Variants in HECW1 observed in about 807,000 individuals in gnomAD.
HECW1 encodes the protein E3 ubiquitin-protein ligase HECW1.
In HECW1, 61 loss-of-function variants were observed where a neutral mutation model predicts 182.3. That is an observed-to-expected ratio of 0.33 (90% CI 0.27 to 0.41). HECW1 has a LOEUF of 0.41. HECW1 is among the 10% of genes least tolerant of loss of function. The pLI is 1.00. For missense variants in HECW1, 1,739 were observed against 2,108.9 expected (o/e 0.82, Z 3.44); for synonymous variants, 859 against 832.6 (o/e 1.03, Z -0.55).
chr7:43,306,049 C>G (rs1019290604), intron 3 of HECW1, among the ~76,000 whole-genome samples: 2 of 152,242 alleles, frequency 1.3e-5, no homozygotes, highest in African/African-American at 2.4e-5. Context: ...TGTGAGCCAC[C>G]CTGCCCAGCC....
At chr7:43,360,794 G>T in intron 5 of HECW1, 92 bp from the exon 6 acceptor site, 1 of 914,028 alleles carries the variant, frequency 1.1e-6, no homozygotes. Context: ...GGGGAATTAT[G>T]TTGCAGTTCT....
intron 27 of HECW1, among the ~76,000 whole-genome samples, chr7:43,551,364 GC>G (rs1255217572): frequency 6.6e-6 from 1 of 152,182 alleles, no homozygotes; most frequent in Non-Finnish European, 1.5e-5. Context: ...TTTCCACCCA[GC>G]TAGCTCAGTC....
At chr7:43,412,933 T>C (rs896179090) in intron 8 of HECW1, among the ~76,000 whole-genome samples, 3 of 148,568 alleles carry the variant, frequency 2.0e-5, no homozygotes, top group Non-Finnish European at 4.5e-5. Flanking sequence ...TGTGTCTTTA[T>C]AGCAGCATGA....
intron 24 of HECW1, among the ~76,000 whole-genome samples, chr7:43,523,679 G>A (rs143695942): frequency 1.6e-4 from 25 of 152,226 alleles, no homozygotes; most frequent in African/African-American, 5.8e-4. Flanking sequence ...CCTTGAGATC[G>A]AGGGAAATAA....
At chr7:43,512,045 C>T (rs2079899289) in intron 24 of HECW1, 2 of 217,002 alleles carry the variant, frequency 9.2e-6, no homozygotes, top group East Asian at 1.4e-4. Context: ...ACAGCGTGGG[C>T]GTAGCTGCTG....
At position 43,338,184 on chromosome 7, in the gene HECW1, G is replaced by A. The variant is rs146708964; in HGVS notation, c.460+17442G>A. The stretch of plus-strand genomic sequence containing the variant: ...TGATGATATTACTGCTGCTCTTGTC[G>A]TTGGCCTGGGAGACACTGCTGGGAT... On this transcript the variant is annotated intron_variant, in intron 5 of 29. Coordinates refer to ENST00000395891, the MANE Select transcript of HECW1 (RefSeq NM_015052.5). Among the ~76,000 whole-genome samples, 10 of 152,266 alleles carry A rather than the reference G, an allele frequency of 6.6e-5. No homozygotes were observed. In the South Asian group the frequency reaches 8.3e-4, roughly 13 times the overall value.
At chr7:43,127,694 A>G (rs568928642) in intron 2 of HECW1, among the ~76,000 whole-genome samples, 45 of 152,294 alleles carry the variant, frequency 3.0e-4, no homozygotes, top group African/African-American at 1.0e-3. Flanking sequence ...GCTGAGAGAC[A>G]TGAGCAAGCT....
Position 43,460,256 on chromosome 7 carries a change from T to C in HECW1, c.2652-3404T>C, listed in dbSNP as rs2077536570. On this transcript the variant is annotated intron_variant, in intron 13 of 29. Transcript: ENST00000395891. ...ACATTGCGGTTCTAGGGGTTTATTC[T>C]ACCAACAGCTACAGCTTCACTTCCA... Among the ~76,000 whole-genome samples, 3 of 152,384 alleles carry C rather than the reference T, an allele frequency of 2.0e-5. No individual in the cohort carries two copies. In the South Asian group the frequency reaches 6.2e-4, roughly 32 times the overall value.
chr7:43,446,153 T>TG (rs763411337), intron 11 of HECW1, among the ~76,000 whole-genome samples: 8,001 of 147,798 alleles, frequency 0.054, 302 homozygotes, highest in Middle Eastern at 0.089. Flanking sequence ...GTTGGTTTTG[T>TG]TTTGTTGTTG....
rs538024311 is a variant in HECW1 at position 43,181,684 on chromosome 7, G to A, written c.-31-62191G>A. 4.6e-5 allele frequency among the ~76,000 whole-genome samples: 7 copies of A among 150,812 alleles called. 1 individual carries two copies. The South Asian group carries it at 1.0e-3, about 22-fold the overall frequency. ...TGTTCATTTTAAAATTGAATTATTT[G>A]GGTTCTTTGCTATTGAGTTGTTTGA... On this transcript the variant is annotated intron_variant, in intron 2 of 29. Transcript: ENST00000395891.
At chr7:43,226,229 A>C (rs1797414318) in intron 2 of HECW1, among the ~76,000 whole-genome samples, 4 of 152,206 alleles carry the variant, frequency 2.6e-5, no homozygotes, top group Admixed American at 2.0e-4. Context: ...AAAATGGAAA[A>C]AATTTTGATA....
intron 24 of HECW1, among the ~76,000 whole-genome samples, chr7:43,513,308 G>A (rs145824602): frequency 3.5e-4 from 53 of 152,310 alleles, no homozygotes; most frequent in African/African-American, 1.2e-3. Context: ...TCCACGACGC[G>A]TGAATGCTGC....
chr7:43,507,273 C>A lies in HECW1; in HGVS notation c.3752+16C>A. The stretch of plus-strand genomic sequence containing the variant: ...GGAAAATTAAGTGAGTGCTCCAGTG[C>A]TTGGCACTGAATTCAGACAGTAGAT... On this transcript the variant is annotated intron_variant, in intron 22 of 29. Coordinates refer to ENST00000395891, the MANE Select transcript of HECW1 (RefSeq NM_015052.5). The A allele has an allele frequency of 6.2e-7, 1 of 1,610,722 alleles. No homozygotes were observed. Among genetic ancestry groups the A allele is most frequent in the Non-Finnish European group, 8.5e-7 (1 of 1,177,712 alleles).
chr7:43,209,748 T>A (rs1795834127), intron 2 of HECW1, among the ~76,000 whole-genome samples: 1 of 152,106 alleles, frequency 6.6e-6, no homozygotes, highest in Admixed American at 6.5e-5. Context: ...GTGAGAAGAA[T>A]GTGGAGAAGA....
intron 6 of HECW1, among the ~76,000 whole-genome samples, chr7:43,395,902 C>T (rs2075214162): frequency 2.0e-5 from 3 of 152,176 alleles, no homozygotes; most frequent in African/African-American, 7.2e-5. Flanking sequence ...AAGAAAAAGA[C>T]TGAACCCACA....
intron 2 of HECW1, among the ~76,000 whole-genome samples, chr7:43,222,277 TAAGAAGCCGAATACTCATGAA>T (rs1797049298): frequency 6.6e-6 from 1 of 152,154 alleles, no homozygotes; most frequent in Non-Finnish European, 1.5e-5. Flanking sequence ...GCTCTGAAAA[TAAGAAGCCGAATACTCATGAA>T]CCAAGTCAGC....
intron 2 of HECW1, among the ~76,000 whole-genome samples, chr7:43,136,257 C>G (rs760298046): frequency 8.5e-5 from 13 of 152,180 alleles, no homozygotes; most frequent in Non-Finnish European, 1.9e-4. Flanking sequence ...TGGCACTTAT[C>G]TATTGAGGCA....
chr7:43,398,735 A>G (rs1025662881), intron 7 of HECW1, among the ~76,000 whole-genome samples: 5 of 152,232 alleles, frequency 3.3e-5, no homozygotes, highest in African/African-American at 9.6e-5. Context: ...TTCACACAGA[A>G]CTGTCTGTGC....
chr7:43,373,079 C>A (rs1326125156), intron 6 of HECW1, among the ~76,000 whole-genome samples: 49 of 152,202 alleles, frequency 3.2e-4, no homozygotes, highest in East Asian at 1.9e-4. Context: ...CATTAAGATG[C>A]CCCAAACCTG....
Sources: gnomAD v4.1 joint callset for allele counts (sites outside exome capture counted in the v4.1 genomes callset) on GRCh38, gnomAD v4.1.1 for gene constraint, MANE v1.5 for transcripts, NCBI Gene and HGNC (gene_info 2026-07-23, HGNC 2026-07-21) for gene names.